The following TTC29 variants were observed in gnomAD, a reference collection of about 807,000 sequenced individuals.
The protein encoded by TTC29 is tetratricopeptide repeat protein 29.
Under a neutral mutation model 58.1 loss-of-function variants are expected in TTC29, and 49 were observed. The ratio of observed to expected loss-of-function variants is 0.84; its 90% CI spans 0.67 to 1.07. The LOEUF (loss-of-function observed/expected upper bound fraction) is 1.07. TTC29 is among the 50% of genes least tolerant of loss of function. The pLI is 0.00. For synonymous variants in TTC29, 209 were observed against 196.8 expected (o/e 1.06, Z -0.52); for missense variants, 582 against 555.6 (o/e 1.05, Z -0.48).
At chr4:146,794,079 T>G (rs1013099926) in intron 11 of TTC29, among the ~76,000 whole-genome samples, 13 of 152,182 alleles carry the variant, frequency 8.5e-5, no homozygotes, top group African/African-American at 3.1e-4. Flanking sequence ...AATGTTTTGC[T>G]TCTTATTTCC....
At chr4:146,875,028 C>T (rs1015585171) in intron 6 of TTC29, 100 bp from the exon 7 acceptor site, 15 of 849,970 alleles carry the variant, frequency 1.8e-5, no homozygotes, top group African/African-American at 1.7e-4. Flanking sequence ...GGAGAAACAC[C>T]GAGGATTATG....
At chr4:146,738,528 T>A (rs953219157) in intron 11 of TTC29, among the ~76,000 whole-genome samples, 1 of 152,078 alleles carries the variant, frequency 6.6e-6, no homozygotes, top group Non-Finnish European at 1.5e-5. Context: ...CTCGAAGGGA[T>A]CTGTGGTTGA....
intron 11 of TTC29, among the ~76,000 whole-genome samples, chr4:146,789,300 G>A (rs531261274): frequency 6.6e-6 from 1 of 152,230 alleles, no homozygotes; most frequent in East Asian, 1.9e-4. Flanking sequence ...AGAAACTTAA[G>A]GACAGCTCCT....
At chr4:146,944,362 A>G (rs534248090) in intron 2 of TTC29, 2 of 152,350 alleles carry the variant, frequency 1.3e-5, no homozygotes, top group South Asian at 2.1e-4. Flanking sequence ...TGCAAAGACA[A>G]ATGAAAATGG....
intron 11 of TTC29, among the ~76,000 whole-genome samples, chr4:146,718,344 A>C (rs1003046801): frequency 6.6e-6 from 1 of 152,172 alleles, no homozygotes; most frequent in African/African-American, 2.4e-5. Flanking sequence ...AATAGTGCAC[A>C]AGGGTTCCCT....
At chr4:146,931,373 A>T (rs59033491) in intron 4 of TTC29, among the ~76,000 whole-genome samples, 11,403 of 152,274 alleles carry the variant, frequency 0.075, 1,451 homozygotes, top group African/African-American at 0.26. Flanking sequence ...TAGGTTATTT[A>T]TACTATTAAT....
intron 6 of TTC29, among the ~76,000 whole-genome samples, chr4:146,902,475 A>G (rs1432251901): frequency 6.6e-6 from 1 of 152,198 alleles, no homozygotes; most frequent in Admixed American, 6.5e-5. Flanking sequence ...AACTATTCGA[A>G]GAAACACTCC....
chr4:146,780,716 T>G (rs1319242098), intron 11 of TTC29, among the ~76,000 whole-genome samples: 1 of 151,934 alleles, frequency 6.6e-6, no homozygotes, highest in Non-Finnish European at 1.5e-5. Flanking sequence ...ATAATATAAC[T>G]GTACCAGTTT....
chr4:146,781,311 T>C (rs1321351770), intron 11 of TTC29, among the ~76,000 whole-genome samples: 1 of 151,908 alleles, frequency 6.6e-6, no homozygotes, highest in Non-Finnish European at 1.5e-5. Flanking sequence ...AATATTTAGA[T>C]TGCATCATAT....
chr4:146,786,003 ACACACACT>A (rs1748985215), intron 11 of TTC29, among the ~76,000 whole-genome samples: 1 of 152,080 alleles, frequency 6.6e-6, no homozygotes, highest in African/African-American at 2.4e-5. Flanking sequence ...ACACACACAC[ACACACACT>A]CACACACCTA....
At chr4:146,912,070 A>G (rs1733934214) in intron 4 of TTC29, among the ~76,000 whole-genome samples, 1 of 152,206 alleles carries the variant, frequency 6.6e-6, no homozygotes, top group East Asian at 1.9e-4. Flanking sequence ...TGGGCCACAC[A>G]TAAAATTCAC....
intron 5 of TTC29, among the ~76,000 whole-genome samples, chr4:146,906,730 T>C (rs1458551785): frequency 2.0e-5 from 3 of 152,358 alleles, no homozygotes; most frequent in Middle Eastern, 6.8e-3. Flanking sequence ...TTTCCAGTAA[T>C]ACTTTTGTAA....
intron 6 of TTC29, among the ~76,000 whole-genome samples, chr4:146,884,228 C>T (rs1731826512): frequency 6.6e-6 from 1 of 152,100 alleles, no homozygotes; most frequent in Admixed American, 6.6e-5. Flanking sequence ...CTATCAAATT[C>T]ACTTTCATTC....
chr4:146,852,497 C>A (rs1729575126), intron 8 of TTC29, among the ~76,000 whole-genome samples: 1 of 152,178 alleles, frequency 6.6e-6, no homozygotes, highest in Non-Finnish European at 1.5e-5. Context: ...GCTTCTGCCC[C>A]AGTAGCCCTA....
chr4:146,747,426 C>G (rs760888168), intron 11 of TTC29, among the ~76,000 whole-genome samples: 2 of 152,200 alleles, frequency 1.3e-5, no homozygotes, highest in African/African-American at 4.8e-5. Flanking sequence ...TATGCCCTGC[C>G]TCTTAGGGCT....
chr4:146,707,632 T>C, intron 11 of TTC29, 81 bp from the exon 12 acceptor site: 1 of 981,232 alleles, frequency 1.0e-6, no homozygotes. Flanking sequence ...GGGAATCCCT[T>C]TTCAGGGATA....
chr4:146,766,234 G>A (rs966978526), intron 11 of TTC29, among the ~76,000 whole-genome samples: 10 of 151,968 alleles, frequency 6.6e-5, no homozygotes, highest in Admixed American at 5.9e-4. Flanking sequence ...GAGGAGCAAC[G>A]TGTATGTTAG....
chr4:146,743,986 A>T (rs190799085), intron 11 of TTC29, among the ~76,000 whole-genome samples: 20 of 152,346 alleles, frequency 1.3e-4, no homozygotes, highest in African/African-American at 4.1e-4. Flanking sequence ...TCCAAGGAGC[A>T]AATGCCAGCA....
chr4:146,853,283 C>T (rs548055114), intron 8 of TTC29, among the ~76,000 whole-genome samples: 4 of 152,070 alleles, frequency 2.6e-5, no homozygotes, highest in Admixed American at 2.6e-4. Flanking sequence ...CCACCAAAAA[C>T]AGTTTGGTAG....
Sources: allele counts gnomAD v4.1 joint callset (sites outside exome capture counted in the v4.1 genomes callset), GRCh38; gene constraint gnomAD v4.1.1; transcripts MANE v1.5; gene names NCBI Gene and HGNC (gene_info 2026-07-23, HGNC 2026-07-21).